The following NXPE3 variants were observed in gnomAD, a reference collection of about 807,000 sequenced individuals.
NXPE3 encodes neurexophilin and PC-esterase domain family member 3, also known as NXPE family member 3.
In NXPE3, 26 loss-of-function variants were observed where a neutral mutation model predicts 46.1. The ratio of observed to expected loss-of-function variants is 0.56; its 90% CI spans 0.41 to 0.78. NXPE3 has a LOEUF of 0.78. NXPE3 is among the 30% of genes least tolerant of loss of function. The probability of loss-of-function intolerance (pLI) is 0.00; values close to 1 mark genes in which losing one functional copy is unlikely to be tolerated. For missense variants in NXPE3, 620 were observed against 686.0 expected (o/e 0.90, Z 1.07); for synonymous variants, 272 against 257.9 (o/e 1.05, Z -0.52).
rs770360739 is a variant in NXPE3 at position 101,808,854 on chromosome 3, T to TATATATATATATATACATATATATATAC, written c.922+1730_922+1731insATATATATATATACATATATATATACAT. Among the ~76,000 whole-genome samples the TATATATATATATATACATATATATATAC allele has an allele frequency of 4.1e-4, 41 of 100,334 alleles. 7 individuals are homozygous for TATATATATATATATACATATATATATAC. Among genetic ancestry groups the TATATATATATATATACATATATATATAC allele is most frequent in the South Asian group, 6.3e-4 (2 of 3,170 alleles). The allele number at this position is 100,334 out of a possible 152,430, so 65.8% of individuals were successfully genotyped here. A position where few individuals can be genotyped will look rare whatever the true frequency, so the allele number is the denominator to read the frequency against. ...ATATATATATATATATATATATATA[T>TATATATATATATATACATATATATATAC]ATGAGACATTTATCTTTTATCTGTT... On this transcript the variant is annotated intron_variant, in intron 6 of 7. Coordinates refer to ENST00000273347, the MANE Select transcript of NXPE3 (RefSeq NM_145037.4).
intron 6 of NXPE3, among the ~76,000 whole-genome samples, chr3:101,809,335 G>A (rs906314680): frequency 6.6e-6 from 1 of 152,148 alleles, no homozygotes; most frequent in Non-Finnish European, 1.5e-5. Flanking sequence ...ACTATGGAAG[G>A]AACCCAGCTT....
rs917000426 is a variant in NXPE3 at position 101,779,222 on chromosome 3, G to C, written c.-600G>C. The C allele has an allele frequency of 6.6e-6, 1 of 152,250 alleles. No individual in the cohort carries two copies. The highest frequency in any genetic ancestry group is 1.5e-5 in the Non-Finnish European group (1 of 68,058). 9.4% of individuals were successfully genotyped at this position (152,250 alleles called of 1,614,324 possible). On this transcript the variant is annotated 5_prime_UTR_variant, in exon 1 of 8. Transcript: ENST00000273347. ...CGGGGGTCGGAGGTGAGGAGACGTCGCCGGGTGAGGAAGCGGGGGGCTAGC... is the reference window on the plus strand; with the variant it reads ...CGGGGGTCGGAGGTGAGGAGACGTCCCCGGGTGAGGAAGCGGGGGGCTAGC...
At chr3:101,793,610 G>T (rs943685440) in intron 4 of NXPE3, among the ~76,000 whole-genome samples, 660 of 14,606 alleles carry the variant, frequency 0.045, no homozygotes, top group Non-Finnish European at 0.049. Flanking sequence ...TTTTTTTTTT[G>T]TATTAATTGA....
intron 6 of NXPE3, among the ~76,000 whole-genome samples, chr3:101,809,446 A>G (rs1442520512): frequency 4.6e-5 from 7 of 152,194 alleles, no homozygotes; most frequent in Admixed American, 3.9e-4. Context: ...GCTTCATTCT[A>G]TGCAAACATT....
At chr3:101,797,267 A>G (rs1940882441) in intron 4 of NXPE3, among the ~76,000 whole-genome samples, 1 of 152,128 alleles carries the variant, frequency 6.6e-6, no homozygotes, top group Admixed American at 6.5e-5. Flanking sequence ...TGATTTGTGA[A>G]CTTTACAAGG....
chr3:101,800,423 T>A (rs181052167), intron 4 of NXPE3, among the ~76,000 whole-genome samples: 11 of 152,322 alleles, frequency 7.2e-5, no homozygotes, highest in South Asian at 4.1e-4. Flanking sequence ...TTTTAAAAAA[T>A]TTTTAAGGTG....
chr3:101,813,773 T>C (rs1422692705), intron 6 of NXPE3, among the ~76,000 whole-genome samples: 2 of 152,206 alleles, frequency 1.3e-5, no homozygotes, highest in Non-Finnish European at 2.9e-5. Context: ...GGTTATATTA[T>C]CTATTTAGGA....
chr3:101,815,238 A>T (rs971495477), intron 6 of NXPE3, among the ~76,000 whole-genome samples: 2 of 152,234 alleles, frequency 1.3e-5, no homozygotes, highest in African/African-American at 4.8e-5. Flanking sequence ...AGCATTGTTC[A>T]TTATATATAA....
At chr3:101,795,515 TAAA>T (rs568595009) in intron 4 of NXPE3, among the ~76,000 whole-genome samples, 2 of 129,534 alleles carry the variant, frequency 1.5e-5, no homozygotes, top group Non-Finnish European at 3.3e-5. Context: ...GAGACTTATC[TAAA>T]AAAAAAAAAA....
chr3:101,822,193 A>G lies in NXPE3; in HGVS notation c.*239A>G. ...GTAGAACTCTTAACTGCATCTACAC[A>G]CTATATTGCTCTTGTAACCAAAGAT... is the stretch of plus-strand genomic sequence containing the variant. On this transcript the variant is annotated 3_prime_UTR_variant, in exon 8 of 8. Coordinates refer to ENST00000273347, the MANE Select transcript of NXPE3 (RefSeq NM_145037.4). The G allele has an allele frequency of 2.0e-6, 1 of 492,946 alleles. No homozygotes were observed. The highest frequency in any genetic ancestry group is 3.6e-6 in the Non-Finnish European group (1 of 275,560). 30.5% of individuals were successfully genotyped at this position (492,946 alleles called of 1,614,324 possible).
Position 101,816,937 on chromosome 3 carries a change from G to A in NXPE3, c.1065G>A (p.Val355=). The A allele has an allele frequency of 6.2e-7, 1 of 1,614,052 alleles. No homozygotes were observed. The highest frequency in any genetic ancestry group is 1.1e-5 in the South Asian group (1 of 91,080). The change falls in exon 7 of 8, where the codon GTG becomes GTA. Residue 355 remains valine, a synonymous_variant. Coordinates refer to ENST00000273347, the MANE Select transcript of NXPE3 (RefSeq NM_145037.4). ...DNITECLQRK[V]VHLFGDSTIR... ...TTACAGAGTGCTTACAAAGAAAAGT[G>A]GTGCATTTATTTGGTGACTCAACAA...
chr3:101,794,597 G>T (rs1373249335), intron 4 of NXPE3, among the ~76,000 whole-genome samples: 1 of 152,158 alleles, frequency 6.6e-6, no homozygotes, highest in Non-Finnish European at 1.5e-5. Context: ...AGTGTGCATG[G>T]CACTTACTGC....
chr3:101,819,297 G>A (rs572317997), intron 7 of NXPE3, among the ~76,000 whole-genome samples: 5 of 152,296 alleles, frequency 3.3e-5, no homozygotes, highest in East Asian at 1.9e-4. Flanking sequence ...ATGGGTGCAC[G>A]TACTAAGTGA....
chr3:101,802,138 A>G (rs575475072), intron 5 of NXPE3, 149 bp downstream of exon 5: 2 of 674,858 alleles, frequency 3.0e-6, no homozygotes, highest in South Asian at 2.7e-5. Context: ...AAAAAAAAAA[A>G]CATAGATTTG....
chr3:101,818,715 T>TTTTATATATATA (rs1378317083), intron 7 of NXPE3, among the ~76,000 whole-genome samples: 1 of 38,032 alleles, frequency 2.6e-5, no homozygotes, highest in African/African-American at 1.1e-4. Context: ...ATATGACAAT[T>TTTTATATATATA]TATATATATA....
chr3:101,818,657 T>C (rs1312140152), intron 7 of NXPE3, among the ~76,000 whole-genome samples: 1 of 134,762 alleles, frequency 7.4e-6, no homozygotes, highest in African/African-American at 2.8e-5. Flanking sequence ...AAGAGAAACC[T>C]GGAAATGCAA....
At chr3:101,819,067 T>C (rs373494125) in intron 7 of NXPE3, among the ~76,000 whole-genome samples, 2 of 151,972 alleles carry the variant, frequency 1.3e-5, no homozygotes, top group African/African-American at 4.8e-5. Context: ...GCCCATCCTA[T>C]AGGACAATTA....
intron 1 of NXPE3, chr3:101,781,653 A>T (rs565806190): frequency 6.6e-6 from 1 of 152,350 alleles, no homozygotes; most frequent in East Asian, 1.9e-4. Flanking sequence ...ATAAAGCATG[A>T]GTAAGTGGTG....
intron 4 of NXPE3, among the ~76,000 whole-genome samples, chr3:101,788,393 T>A (rs1940313856): frequency 6.6e-6 from 1 of 152,236 alleles, no homozygotes; most frequent in Non-Finnish European, 1.5e-5. Flanking sequence ...TAGTCCAGTT[T>A]ATCTGTTTTG....
Sources: gnomAD v4.1 joint callset for allele counts (sites outside exome capture counted in the v4.1 genomes callset) on GRCh38, gnomAD v4.1.1 for gene constraint, MANE v1.5 for transcripts, NCBI Gene and HGNC (gene_info 2026-07-23, HGNC 2026-07-21) for gene names.